The following RARA variants were observed in gnomAD, a reference collection of about 807,000 sequenced individuals.
RARA encodes retinoic acid receptor alpha, also known as PML-DDX5-RARA fusion.
Under a neutral mutation model 42.8 loss-of-function variants are expected in RARA, and 5 were observed. That is an observed-to-expected ratio of 0.12 (90% confidence interval 0.06 to 0.25). The LOEUF (loss-of-function observed/expected upper bound fraction) is 0.25, where lower values mean the gene tolerates loss of function less well. Ranked by LOEUF, RARA falls within the 10% of genes least tolerant of loss-of-function variation. RARA has a pLI of 1.00. For missense variants in RARA, 402 were observed against 628.7 expected, an observed-to-expected ratio of 0.64 and a Z score of 3.86; for synonymous variants, 256 against 259.5, an observed-to-expected ratio of 0.99 and a Z score of 0.13.
intron 1 of RARA, among the ~76,000 whole-genome samples, chr17:40,324,436 G>A (rs1365136643): frequency 6.6e-6 from 1 of 152,148 alleles, no homozygotes; most frequent in Non-Finnish European, 1.5e-5. Context: ...GGGCTTCAGA[G>A]GTCCTGACCA....
Position 40,348,386 on chromosome 17 carries a change from C to T in RARA, c.249C>T (p.Arg83=), listed in dbSNP as rs757149784. 2 of 1,613,688 alleles carry T rather than the reference C, an allele frequency of 1.2e-6. No individual in the cohort carries two copies. The highest frequency in any genetic ancestry group is 3.3e-5 in the Admixed American group (2 of 59,968). The change falls in exon 3 of 9, where the codon CGC becomes CGT. Residue 83 remains arginine, a synonymous_variant. Transcript: ENST00000254066. ...CTCCCTCGCCACCCCCTCTACCCCG[C>T]ATCTACAAGCCTTGCTTTGTCTGTC... ...PSPPSPPPLP[R]IYKPCFVCQD...
Position 40,356,317 on chromosome 17 carries a change from C to A in RARA, c.*91C>A. The A allele has an allele frequency of 7.4e-7, 1 of 1,354,474 alleles. No homozygotes were observed. 83.9% of individuals were successfully genotyped at this position (1,354,474 alleles called of 1,614,324 possible). ...CATGTGACCCCGCACCAGCCCTGCC[C>A]CCACCTGCCCTCCCGGGCAGTACTG... On this transcript the variant is annotated 3_prime_UTR_variant, in exon 9 of 9. Transcript: ENST00000254066.
intron 1 of RARA, among the ~76,000 whole-genome samples, chr17:40,316,520 G>C (rs2033216687): frequency 6.6e-6 from 1 of 152,222 alleles, no homozygotes; most frequent in South Asian, 2.1e-4. Context: ...GTGCATGCAT[G>C]CTTGCATTCT....
intron 2 of RARA, among the ~76,000 whole-genome samples, chr17:40,343,593 C>T (rs955752404): frequency 4.6e-5 from 7 of 152,194 alleles, no homozygotes; most frequent in Admixed American, 2.6e-4. Flanking sequence ...CCCTCTCCCC[C>T]TAATCCTAAT....
At chr17:40,325,590 C>T (rs1057360527) in intron 1 of RARA, among the ~76,000 whole-genome samples, 3 of 152,246 alleles carry the variant, frequency 2.0e-5, no homozygotes, top group Admixed American at 2.0e-4. Flanking sequence ...TTCTGCCCTG[C>T]TTGGCCAGCT....
Position 40,355,401 on chromosome 17 carries a change from T to C in RARA, c.1151T>C (p.Leu384Pro). ...AAGATGCTAATGAAGATTACTGACC[T>C]GCGAAGCATCAGCGCCAAGGGTGAG... The part of the protein sequence containing the change: ...FPKMLMKITD[L>P]RSISAKGAER... Residue 384 changes from leucine to proline, a missense_variant, in exon 8 of 9, where the codon CTG becomes CCG. By Grantham distance (98) the Leu-to-Pro change is moderately conservative (BLOSUM62 -3). This residue lies in a region of RARA where 104 missense variants were observed against 160.1 expected (regional missense o/e 0.65). Coordinates refer to ENST00000254066, the MANE Select transcript of RARA (RefSeq NM_000964.4). This position sits in a 1 kb window ranked among gnomAD's most constrained non-coding sequence, Gnocchi z 4.1. The C allele has an allele frequency of 6.2e-7, 1 of 1,613,830 alleles. No individual in the cohort carries two copies. The highest frequency in any genetic ancestry group is 8.5e-7 in the Non-Finnish European group (1 of 1,179,828).
rs370610393 is a variant in RARA, at chr17:40,354,355, G to A, written c.861G>A (p.Ser287=). The change falls in exon 7 of 9, where the codon TCG becomes TCA. Residue 287 remains serine, a synonymous_variant. Transcript: ENST00000254066. This position sits in a 1 kb window ranked among gnomAD's most constrained non-coding sequence, Gnocchi z 4.5. The stretch of plus-strand genomic sequence containing the variant: ...CCGAGCAGGACACCATGACCTTCTC[G>A]GACGGGCTGACCCTGAACCGGACCC... ...YTPEQDTMTF[S]DGLTLNRTQM... The A allele has an allele frequency of 3.0e-4, 480 of 1,614,070 alleles. No individual in the cohort carries two copies. The highest frequency in any genetic ancestry group is 3.4e-4 in the Non-Finnish European group (406 of 1,180,044).
At chr17:40,353,326 C>G (rs535771264) in intron 6 of RARA, among the ~76,000 whole-genome samples, 77 of 152,214 alleles carry the variant, frequency 5.1e-4, no homozygotes, top group African/African-American at 1.8e-3. Flanking sequence ...TGGGAACTGC[C>G]AAAGCCTAGG....
chr17:40,342,179 G>C (rs1047154883), intron 2 of RARA: 5 of 1,051,734 alleles, frequency 4.8e-6, no homozygotes, highest in African/African-American at 1.7e-5. Context: ...TACCACCAGA[G>C]ACCGAGCGAG....
At chr17:40,325,445 G>A (rs1415561296) in intron 1 of RARA, among the ~76,000 whole-genome samples, 1 of 152,116 alleles carries the variant, frequency 6.6e-6, no homozygotes, top group Non-Finnish European at 1.5e-5. Context: ...AAAGCGGGGA[G>A]TAGTCATCAC....
intron 2 of RARA, among the ~76,000 whole-genome samples, chr17:40,336,389 C>CATTT (rs201202993): frequency 2.0e-5 from 3 of 150,264 alleles, no homozygotes; most frequent in Admixed American, 6.6e-5. Flanking sequence ...GACATTTATT[C>CATTT]ATTTATTTAT....
intron 1 of RARA, among the ~76,000 whole-genome samples, chr17:40,316,617 G>T: frequency 6.6e-6 from 1 of 152,230 alleles, no homozygotes; most frequent in East Asian, 1.9e-4. Flanking sequence ...CTAGGGGCGG[G>T]CTGGCGCTGA....
chr17:40,312,037 C>A (rs1256074128), intron 1 of RARA, among the ~76,000 whole-genome samples: 1 of 152,174 alleles, frequency 6.6e-6, no homozygotes, highest in East Asian at 1.9e-4. Flanking sequence ...TTTTGGGGAG[C>A]AAGGGACTAA....
chr17:40,342,967 T>C, intron 2 of RARA: 1 of 1,500,732 alleles, frequency 6.7e-7, no homozygotes, highest in Non-Finnish European at 8.9e-7. Flanking sequence ...GTAGTGGAGG[T>C]CCTGTCTCTA....
intron 1 of RARA, among the ~76,000 whole-genome samples, chr17:40,329,574 C>G (rs528965078): frequency 6.6e-6 from 1 of 152,198 alleles, no homozygotes; most frequent in Non-Finnish European, 1.5e-5. Context: ...CCTGCCTCAG[C>G]CTCCCAAAGT....
rs531761561 is a variant in RARA at position 40,325,393 on chromosome 17, G to A, written c.-362-5464G>A. On this transcript the variant is annotated intron_variant, in intron 1 of 8. Transcript: ENST00000254066. ...AGTGGCCGGATTGTAGGCTTGCCAG[G>A]GAGGAGAGGGGTGAGAGCCTTGGCC... 2.0e-5 allele frequency among the ~76,000 whole-genome samples: 3 copies of A among 152,306 alleles called. No individual in the cohort carries two copies. In the South Asian group the frequency reaches 6.2e-4, roughly 32 times the overall value.
At chr17:40,341,516 T>C in intron 2 of RARA, 1 of 1,481,212 alleles carries the variant, frequency 6.8e-7, no homozygotes, top group Non-Finnish European at 9.0e-7. Flanking sequence ...CTGCCGCCGC[T>C]CTCCGCGTCT....
chr17:40,315,132 GTATATATATATATATATA>G (rs71356657), intron 1 of RARA, among the ~76,000 whole-genome samples: 30 of 64,176 alleles, frequency 4.7e-4, no homozygotes, highest in Admixed American at 8.6e-4. Flanking sequence ...GCTTATATGT[GTATATATATATATATATA>G]TATATATATA....
chr17:40,333,836 C>T (rs1222342969), intron 2 of RARA, among the ~76,000 whole-genome samples: 1 of 152,150 alleles, frequency 6.6e-6, no homozygotes, highest in African/African-American at 2.4e-5. Flanking sequence ...AAGGTCTCAC[C>T]ATGTTGCCCA....
Sources: allele counts gnomAD v4.1 joint callset (sites outside exome capture counted in the v4.1 genomes callset), GRCh38; gene constraint gnomAD v4.1.1; regional missense constraint gnomAD v4.1.1; non-coding constraint Gnocchi (gnomAD v3.1); transcripts MANE v1.5; gene names NCBI Gene and HGNC (gene_info 2026-07-23, HGNC 2026-07-21).